The following MED24 variants were observed in gnomAD, a reference collection of about 807,000 sequenced individuals.
MED24 encodes mediator of RNA polymerase II transcription subunit 24.
In MED24, 74 loss-of-function variants were observed where a neutral mutation model predicts 118.8. The observed-to-expected ratio is 0.62, with a 90% CI of 0.52 to 0.76. The LOEUF (loss-of-function observed/expected upper bound fraction) is 0.76, where lower values mean the gene tolerates loss of function less well. Ranked by LOEUF, MED24 falls within the 30% of genes least tolerant of loss-of-function variation. The pLI is 0.00. For missense variants in MED24, 1,041 were observed against 1,278.9 expected, an observed-to-expected ratio of 0.81 and a Z score of 2.84; for synonymous variants, 521 against 523.9, an observed-to-expected ratio of 0.99 and a Z score of 0.08.
chr17:40,029,890 G>C, intron 12 of MED24, 31 bp from the exon 13 acceptor site: 5 of 1,584,224 alleles, frequency 3.2e-6, no homozygotes, highest in Non-Finnish European at 4.3e-6. Context: ...CCAAGGAAGG[G>C]AAGAGGAATG....
At position 40,027,393 on chromosome 17, in the gene MED24, T is replaced by C. The variant is rs1982803405; in HGVS notation, c.1520A>G (p.Tyr507Cys). ...GCTCCCCTCTCTCACCTCTGAACCATAGGTCTGGGCCACATGGCACAGCAT... is the reference window on the plus strand; with the variant it reads ...GCTCCCCTCTCTCACCTCTGAACCACAGGTCTGGGCCACATGGCACAGCAT... Reference protein sequence around the residue: ...FLMLCHVAQTYGSEVILSESR... With the variant: ...FLMLCHVAQTCGSEVILSESR... The change falls in exon 16 of 26, where the codon TAT (tyrosine) becomes TGT (cysteine). Residue 507 changes from tyrosine to cysteine, a missense_variant. Tyr to Cys is a radical substitution (Grantham distance 194). Around this residue, in one of 3 missense-constraint regions of MED24, gnomAD observed 587 missense variants for 694.4 expected, o/e 0.85. Transcript: ENST00000394128. 2 of 1,613,408 alleles carry C rather than the reference T, an allele frequency of 1.2e-6. No individual in the cohort carries two copies. Among genetic ancestry groups the C allele is most frequent in the Admixed American group, 1.7e-5 (1 of 59,978 alleles).
Position 40,033,166 on chromosome 17 carries a change from T to C in MED24, c.712A>G (p.Lys238Glu), listed in dbSNP as rs1051035871. The C allele has an allele frequency of 1.2e-5, 19 of 1,614,018 alleles. No homozygotes were observed. The highest frequency in any genetic ancestry group is 1.4e-5 in the Non-Finnish European group (16 of 1,180,036). ...MLSVHAEQMH[K>E]TGFPTVHAVI... Reference sequence around the variant, plus strand: ...GCGTGGACAGTGGGGAAGCCGGTCTTGTGCATCTGCTCCGCATGCACAGAC... The same window carrying C: ...GCGTGGACAGTGGGGAAGCCGGTCTCGTGCATCTGCTCCGCATGCACAGAC... The change falls in exon 8 of 26, where the codon AAG becomes GAG. Residue 238 changes from lysine (K) to glutamate (E), a missense_variant. Transcript: ENST00000394128. The surrounding 1 kb of genome is among the most constrained non-coding windows in gnomAD (Gnocchi z 5.2).
chr17:40,053,384 C>T lies in MED24; in HGVS notation c.131-4G>A. The T allele has an allele frequency of 6.2e-7, 1 of 1,613,158 alleles. No homozygotes were observed. Among genetic ancestry groups the T allele is most frequent in the Non-Finnish European group, 8.5e-7 (1 of 1,179,322 alleles). On this transcript the variant is annotated splice_polypyrimidine_tract_variant and splice_region_variant and intron_variant, in intron 2 of 25. Transcript: ENST00000394128. ...ATGGCCTGCTCTAGTAACGCATCTG[C>T]AAGAGGAATAGCAAAACACAACTGA...
intron 3 of MED24, among the ~76,000 whole-genome samples, chr17:40,037,898 T>C (rs965731307): frequency 6.8e-6 from 1 of 147,956 alleles, no homozygotes; most frequent in Non-Finnish European, 1.5e-5. Context: ...GCGACAGAGC[T>C]AGACTCTGTC....
intron 23 of MED24, among the ~76,000 whole-genome samples, chr17:40,020,891 G>A (rs187513953): frequency 4.9e-4 from 74 of 152,132 alleles, no homozygotes; most frequent in African/African-American, 1.7e-3. Flanking sequence ...TGACCAATAT[G>A]GTGAAACCCC....
At position 40,033,200 on chromosome 17, in the gene MED24, G is replaced by C. The variant is rs766498260; in HGVS notation, c.678C>G (p.Pro226=). 23 of 1,613,798 alleles carry C rather than the reference G, an allele frequency of 1.4e-5. No individual in the cohort carries two copies. In the African/African-American group the frequency reaches 3.1e-4, roughly 22 times the overall value. The change falls in exon 8 of 26, where the codon CCC becomes CCG. Residue 226 remains proline, a synonymous_variant. Transcript: ENST00000394128. This position sits in a 1 kb window ranked among gnomAD's most constrained non-coding sequence, Gnocchi z 5.2. ...GCTCCGCATGCACAGACAGCATCGT[G>C]GGGATGCTGAGGGGTCACAAACACA... The part of the protein sequence containing the change: ...EQCGTLIRSI[P]TMLSVHAEQM...
At chr17:40,027,885 T>G in intron 15 of MED24, 24 bp downstream of exon 15, 10 of 1,611,686 alleles carry the variant, frequency 6.2e-6, no homozygotes, top group Non-Finnish European at 8.5e-6. Context: ...CCACTGGGCC[T>G]GCGGATGCAC....
chr17:40,053,601 T>C lies in MED24; in HGVS notation c.-3A>G. ...TGCTTCAGGTTGACCACCTTCATTA[T>C]TTCACTCTGAGCAGGTGGCAGCGGT... On this transcript the variant is annotated 5_prime_UTR_variant, in exon 2 of 26. Transcript: ENST00000394128. The C allele has an allele frequency of 6.2e-7, 1 of 1,614,132 alleles. No individual in the cohort carries two copies. The highest frequency in any genetic ancestry group is 8.5e-7 in the Non-Finnish European group (1 of 1,180,034).
rs1349913064 is a variant in MED24, at chr17:40,033,722, C to A, written c.560-266G>T. 1 of 602,600 alleles carries A rather than the reference C, an allele frequency of 1.7e-6. No homozygotes were observed. The highest frequency in any genetic ancestry group is 2.1e-5 in the Admixed American group (1 of 46,688). The allele number at this position is 602,600 out of a possible 1,614,324, so 37.3% of individuals were successfully genotyped here. On this transcript the variant is annotated intron_variant, in intron 6 of 25. Transcript: ENST00000394128. The surrounding 1 kb of genome is among the most constrained non-coding windows in gnomAD (Gnocchi z 5.2). The stretch of plus-strand genomic sequence containing the variant: ...AGCCAGCTGACTTCAGAAGGTATGG[C>A]ATCACACAGGCTCAGGAGAGAGAGG...
At chr17:40,045,687 G>A (rs1985092468) in intron 3 of MED24, among the ~76,000 whole-genome samples, 1 of 151,294 alleles carries the variant, frequency 6.6e-6, no homozygotes, top group Admixed American at 6.6e-5. Context: ...GGTGCAGGAG[G>A]ATGGCTTGAG....
rs779300635 is a variant in MED24, at chr17:40,020,347, C to G, written c.2630G>C (p.Arg877Pro). Residue 877 changes from arginine (R) to proline (P), a missense_variant, in exon 24 of 26, where the codon CGA (arginine) becomes CCA (proline). Arg to Pro is a moderately radical substitution (Grantham distance 103). Around this residue, in one of 3 missense-constraint regions of MED24, gnomAD observed 587 missense variants for 694.4 expected, o/e 0.85. Transcript: ENST00000394128. Reference protein sequence around the residue: ...DANILSSPTDRSMSSSLSASQ... With the variant: ...DANILSSPTDPSMSSSLSASQ... ...GGCTGAGAGGGAGCTGCTCATGGAT[C>G]GGTCTGCTGTGGGACGGAGCAGATG... 2 of 1,597,094 alleles carry G rather than the reference C, an allele frequency of 1.3e-6. No individual in the cohort carries two copies. The highest frequency in any genetic ancestry group is 2.3e-5 in the East Asian group (1 of 44,362).
chr17:40,021,884 C>A, intron 23 of MED24, 71 bp downstream of exon 23: 1 of 1,149,360 alleles, frequency 8.7e-7, no homozygotes, highest in Non-Finnish European at 1.3e-6. Context: ...GCTGGGGCAG[C>A]GGCAGAGTGG....
At position 40,038,540 on chromosome 17, in the gene MED24, G is replaced by A. The variant is rs1373059055; in HGVS notation, c.214-2386C>T. Among the ~76,000 whole-genome samples, 6 of 152,012 alleles carry A rather than the reference G, an allele frequency of 3.9e-5. No homozygotes were observed. In the East Asian group the frequency reaches 5.8e-4, roughly 15 times the overall value. On this transcript the variant is annotated intron_variant, in intron 3 of 25. Transcript: ENST00000394128. ...ATCCTGGCCAACATGGTGAAACCCC[G>A]TCTCTGCTAAAAATACAAAAACTAG...
intron 20 of MED24, 105 bp from the exon 21 acceptor site, chr17:40,022,931 G>A (rs995162534): frequency 1.4e-6 from 2 of 1,416,926 alleles, no homozygotes; most frequent in Admixed American, 2.1e-5. Context: ...CGCAGAGGGG[G>A]CCCCAGATGT....
intron 3 of MED24, among the ~76,000 whole-genome samples, chr17:40,042,214 A>G (rs564364023): frequency 2.6e-5 from 4 of 152,222 alleles, no homozygotes; most frequent in African/African-American, 9.6e-5. Flanking sequence ...GGATTAAAAT[A>G]TAATAGGATT....
At chr17:40,029,593 C>T (rs1598344294) in intron 13 of MED24, among the ~76,000 whole-genome samples, 155 bp downstream of exon 13, 1 of 152,196 alleles carries the variant, frequency 6.6e-6, no homozygotes, top group Non-Finnish European at 1.5e-5. Flanking sequence ...TCAGTGGTAG[C>T]TGCCCTTGCC....
Position 40,022,496 on chromosome 17 carries a change from T to G in MED24, c.2433-12A>C. On this transcript the variant is annotated splice_polypyrimidine_tract_variant and intron_variant, in intron 21 of 25. Transcript: ENST00000394128. ...ACCACACGGCCAGCCTGGCAAAGGGTTCCAGAAAAAGGGGGACAGTGAGAG... is the reference window on the plus strand; with the variant it reads ...ACCACACGGCCAGCCTGGCAAAGGGGTCCAGAAAAAGGGGGACAGTGAGAG... 1 of 1,604,116 alleles carries G rather than the reference T, an allele frequency of 6.2e-7. No homozygotes were observed. The highest frequency in any genetic ancestry group is 8.5e-7 in the Non-Finnish European group (1 of 1,175,534).
In MED24 at chr17:40,022,440, C is replaced by A. The variant is rs1982144059; in HGVS notation, c.2477G>T (p.Gly826Val). 1 of 1,610,608 alleles carries A rather than the reference C, an allele frequency of 6.2e-7. No homozygotes were observed. The highest frequency in any genetic ancestry group is 1.1e-5 in the South Asian group (1 of 90,422). The change falls in exon 22 of 26, where the codon GGA (glycine) becomes GTA (valine). Residue 826 changes from glycine to valine, a missense_variant. Physicochemically the swap from Gly to Val is moderately radical, Grantham distance 109 (BLOSUM62 -3). This residue lies in a region of MED24 where 587 missense variants were observed against 694.4 expected (regional missense o/e 0.85). Transcript: ENST00000394128. Reference sequence around the variant, plus strand: ...CTTCTTCTGGCGGGTGGACGCCTGTCCCTTGTGGGAGGAGTAGGAACTGAG... The same window carrying A: ...CTTCTTCTGGCGGGTGGACGCCTGTACCTTGTGGGAGGAGTAGGAACTGAG... The part of the protein sequence containing the change: ...CALSSYSSHK[G>V]QASTRQKKRH...
intron 19 of MED24, among the ~76,000 whole-genome samples, chr17:40,024,351 T>C (rs1004931551): frequency 6.6e-6 from 1 of 152,002 alleles, no homozygotes; most frequent in African/African-American, 2.4e-5. Context: ...CTGGCCAACA[T>C]GGTGAAACCC....
Sources: allele counts gnomAD v4.1 joint callset (sites outside exome capture counted in the v4.1 genomes callset), GRCh38; gene constraint gnomAD v4.1.1; regional missense constraint gnomAD v4.1.1; non-coding constraint Gnocchi (gnomAD v3.1); transcripts MANE v1.5; gene names NCBI Gene and HGNC (gene_info 2026-07-23, HGNC 2026-07-21).